Variants in TRPM2 observed in about 807,000 individuals in gnomAD.
The protein encoded by TRPM2 is estrogen-responsive element-associated gene 1 protein.
In TRPM2, 161 loss-of-function variants were observed where a neutral mutation model predicts 174.0. That is an observed-to-expected ratio of 0.93 (90% CI 0.81 to 1.05). The LOEUF (loss-of-function observed/expected upper bound fraction) is 1.05, where lower values mean the gene tolerates loss of function less well. Ranked by LOEUF, TRPM2 falls within the 50% of genes least tolerant of loss-of-function variation. The pLI, the probability that TRPM2 is intolerant of heterozygous loss-of-function variation, is 0.00. For missense variants in TRPM2, 2,057 were observed against 2,038.0 expected (o/e 1.01, Z -0.18); for synonymous variants, 954 against 861.3 (o/e 1.11, Z -1.88).
intron 4 of TRPM2, 184 bp from the exon 5 acceptor site, chr21:44,368,993 C>A: frequency 1.7e-6 from 1 of 574,324 alleles, no homozygotes. Context: ...TGTTCCCACC[C>A]CACCTGAGCG....
At position 44,354,498 on chromosome 21, in the gene TRPM2, T is replaced by G. The variant is rs1054277701; in HGVS notation, c.166-150T>G. 8.0e-5 allele frequency: 51 copies of G among 637,072 alleles called. No homozygotes were observed. Among genetic ancestry groups the G allele is most frequent in the South Asian group, 1.9e-4 (10 of 52,346 alleles). 39.5% of individuals were successfully genotyped at this position (637,072 alleles called of 1,614,324 possible). A position where few individuals can be genotyped will look rare whatever the true frequency, so the allele number is the denominator to read the frequency against. ...TCCCCACCGGAGAGTCTTGGCAAGG[T>G]GCTTCTAATCTTTGGCTCAGGGTCG... On this transcript the variant is annotated intron_variant, in intron 1 of 31. Coordinates refer to ENST00000397928, the MANE Select transcript of TRPM2 (RefSeq NM_003307.4). The surrounding 1 kb of genome is among the most constrained non-coding windows in gnomAD (Gnocchi z 4.3).
chr21:44,377,692 C>T lies in TRPM2; in HGVS notation c.953-20C>T, dbSNP rs773636883. Reference sequence around the variant, plus strand: ...GCTTTGTTTAGGTGTGGCCCTCACTCGGCTGTGTGCTTTTTCTAGGTGTGG... The same window carrying T: ...GCTTTGTTTAGGTGTGGCCCTCACTTGGCTGTGTGCTTTTTCTAGGTGTGG... On this transcript the variant is annotated intron_variant, in intron 6 of 31. Transcript: ENST00000397928. The T allele has an allele frequency of 2.0e-5, 32 of 1,613,624 alleles. No individual in the cohort carries two copies. In the African/African-American group the frequency reaches 2.1e-4, roughly 11 times the overall value.
rs193222089 is a variant in TRPM2 at position 44,407,350 on chromosome 21, C to T, written c.2962+585C>T. ...GCATGTGGCCCAGGCTAGTATCGAA[C>T]TCTTGAGCTCAAGTGATCCACCCCC... On this transcript the variant is annotated intron_variant, in intron 19 of 31. Coordinates refer to ENST00000397928, the MANE Select transcript of TRPM2 (RefSeq NM_003307.4). Among the ~76,000 whole-genome samples the T allele has an allele frequency of 3.2e-3, 482 of 148,770 alleles. 3 individuals carry two copies. The highest frequency in any genetic ancestry group is 0.011 in the African/African-American group (455 of 40,332).
rs1191495172 is a variant in TRPM2, at chr21:44,366,008, AC to A, written c.424-744del. ...ATGGCATTTCTGGATTTCACCCATC[AC>A]CTTTGTGTCTCTGCTAGGCCAATCC... On this transcript the variant is annotated intron_variant, in intron 3 of 31. Coordinates refer to ENST00000397928, the MANE Select transcript of TRPM2 (RefSeq NM_003307.4). This position sits in a 1 kb window ranked among gnomAD's most constrained non-coding sequence, Gnocchi z 6.0. 6.6e-6 allele frequency among the ~76,000 whole-genome samples: 1 copy of A among 152,128 alleles called. No homozygotes were observed. Among genetic ancestry groups the A allele is most frequent in the African/African-American group, 2.4e-5 (1 of 41,426 alleles).
At chr21:44,353,115 C>G (rs949150742), upstream of TRPM2, 1 of 152,268 alleles carries the variant, frequency 6.6e-6, no homozygotes, top group Non-Finnish European at 1.5e-5. Flanking sequence ...GAGACTGCGT[C>G]ACTGAACTCC....
upstream of TRPM2, chr21:44,353,424 G>C (rs1025498937): frequency 1.3e-5 from 4 of 298,840 alleles, no homozygotes; most frequent in Non-Finnish European, 2.5e-5. Context: ...TGGGACCCCC[G>C]CATGTGCATG....
At chr21:44,436,336 C>T (rs970716929) in intron 28 of TRPM2, among the ~76,000 whole-genome samples, 10 of 152,238 alleles carry the variant, frequency 6.6e-5, no homozygotes, top group South Asian at 2.1e-4. Context: ...CTCCCCCCAG[C>T]GGAGGGGCCT....
Position 44,366,636 on chromosome 21 carries a change from C to A in TRPM2, c.424-118C>A. 1 of 1,383,594 alleles carries A rather than the reference C, an allele frequency of 7.2e-7. No homozygotes were observed. The highest frequency in any genetic ancestry group is 1.0e-6 in the Non-Finnish European group (1 of 1,003,180). The allele number at this position is 1,383,594 out of a possible 1,614,324, so 85.7% of individuals were successfully genotyped here. A position where few individuals can be genotyped will look rare whatever the true frequency, so the allele number is the denominator to read the frequency against. On this transcript the variant is annotated intron_variant, in intron 3 of 31. Transcript: ENST00000397928. The surrounding 1 kb of genome is among the most constrained non-coding windows in gnomAD (Gnocchi z 6.0). Reference sequence around the variant, plus strand: ...TGGGGACCCCTTTTCTGGGTCTGAGCCGGAAAGGTGTGCGGTGTCTGCCGC... The same window carrying A: ...TGGGGACCCCTTTTCTGGGTCTGAGACGGAAAGGTGTGCGGTGTCTGCCGC...
intron 7 of TRPM2, 65 bp downstream of exon 7, chr21:44,377,838 A>G: frequency 6.3e-7 from 1 of 1,576,240 alleles, no homozygotes. Context: ...ATGACTGTCC[A>G]AAAGTGCTTG....
At chr21:44,414,107 G>A (rs764216657) in intron 20 of TRPM2, 33 bp downstream of exon 20, 2 of 1,595,950 alleles carry the variant, frequency 1.3e-6, no homozygotes, top group Admixed American at 3.4e-5. Context: ...CGTGCAGGTG[G>A]GTGGGTGGGC....
In TRPM2 at chr21:44,405,989, T is replaced by A. The variant is rs1178823229; in HGVS notation, c.2742T>A (p.Phe914Leu). The A allele has an allele frequency of 6.2e-7, 1 of 1,608,870 alleles. No homozygotes were observed. The highest frequency in any genetic ancestry group is 1.1e-5 in the South Asian group (1 of 91,086). Reference protein sequence around the residue: ...ILFCLRLMHIFTISKTLGPKI... With the variant: ...ILFCLRLMHILTISKTLGPKI... Reference sequence around the variant, plus strand: ...TCTGCCTCCGGCTCATGCACATTTTTACCATCAGTAAGACGCTGGGGCCCA... The same window carrying A: ...TCTGCCTCCGGCTCATGCACATTTTAACCATCAGTAAGACGCTGGGGCCCA... Residue 914 changes from phenylalanine (F) to leucine (L), a missense_variant, in exon 18 of 32, where the codon TTT (phenylalanine) becomes TTA (leucine). Transcript: ENST00000397928.
chr21:44,387,513 A>G (rs569008654), intron 9 of TRPM2, among the ~76,000 whole-genome samples: 2 of 152,350 alleles, frequency 1.3e-5, no homozygotes, highest in African/African-American at 4.8e-5. Flanking sequence ...CATGACACCT[A>G]AGGCACAGGA....
intron 22 of TRPM2, among the ~76,000 whole-genome samples, 193 bp downstream of exon 22, chr21:44,418,748 G>A (rs1464151551): frequency 6.6e-6 from 1 of 152,152 alleles, no homozygotes; most frequent in East Asian, 1.9e-4. Context: ...AGGACCCTCT[G>A]CGGTCCTTAG....
upstream of TRPM2, among the ~76,000 whole-genome samples, chr21:44,351,740 C>T (rs1489745358): frequency 1.3e-5 from 2 of 152,068 alleles, no homozygotes; most frequent in Non-Finnish European, 2.9e-5. Context: ...GAGCCATTGG[C>T]CCCCCCACAG....
At chr21:44,434,131 A>G (rs2051137025) in intron 27 of TRPM2, among the ~76,000 whole-genome samples, 1 of 151,404 alleles carries the variant, frequency 6.6e-6, no homozygotes, top group African/African-American at 2.4e-5. Context: ...AGAGGAGGCC[A>G]TGAGGGGTGG....
chr21:44,360,256 T>C (rs2048174323), intron 2 of TRPM2, among the ~76,000 whole-genome samples: 1 of 152,186 alleles, frequency 6.6e-6, no homozygotes, highest in Non-Finnish European at 1.5e-5. Flanking sequence ...TGCCGCATTC[T>C]TGCCAGAGGA....
At chr21:44,435,804 A>C (rs1455407790) in intron 28 of TRPM2, among the ~76,000 whole-genome samples, 5 of 90,284 alleles carry the variant, frequency 5.5e-5, no homozygotes, top group African/African-American at 1.3e-4. Flanking sequence ...CCTCAGACTC[A>C]CTCTCCACAC....
rs572285385 is a variant in TRPM2, at chr21:44,391,622, C to T, written c.1791C>T (p.Leu597=). 50 of 1,571,922 alleles carry T rather than the reference C, an allele frequency of 3.2e-5. No individual in the cohort carries two copies. In the African/African-American group the frequency reaches 6.5e-4, roughly 20 times the overall value. The stretch of plus-strand genomic sequence containing the variant: ...TGCTGCCCGTTCCCCACGTCAAGCT[C>T]AACGTGCGTGCTGGTAACGGGGCCC... The part of the protein sequence containing the change: ...RLLLPVPHVK[L]NVQGVSLRSL... Residue 597 remains leucine (L), a synonymous_variant, in exon 11 of 32, where the codon CTC becomes CTT. Transcript: ENST00000397928. The surrounding 1 kb of genome is among the most constrained non-coding windows in gnomAD (Gnocchi z 5.0).
At chr21:44,429,266 T>A (rs1601245842) in intron 27 of TRPM2, among the ~76,000 whole-genome samples, 1 of 147,846 alleles carries the variant, frequency 6.8e-6, no homozygotes, top group East Asian at 2.0e-4. Flanking sequence ...ATTATAACAT[T>A]TTTTTCTTTT....
Sources: gnomAD v4.1 joint callset for allele counts (sites outside exome capture counted in the v4.1 genomes callset) on GRCh38, gnomAD v4.1.1 for gene constraint, Gnocchi (gnomAD v3.1) non-coding constraint, MANE v1.5 for transcripts, NCBI Gene and HGNC (gene_info 2026-07-23, HGNC 2026-07-21) for gene names.